CUL3: variants seen among roughly 807,000 people sequenced by gnomAD.
CUL3 encodes cullin 3.
In CUL3, 19 loss-of-function variants were observed where a neutral mutation model predicts 89.1. The ratio of observed to expected loss-of-function variants is 0.21; its 90% confidence interval spans 0.15 to 0.31. The LOEUF (loss-of-function observed/expected upper bound fraction) is 0.31, where lower values mean the gene tolerates loss of function less well. Ranked by LOEUF, CUL3 falls within the 10% of genes least tolerant of loss-of-function variation. The pLI, the probability that CUL3 is intolerant of heterozygous loss-of-function variation, is 1.00. For missense variants in CUL3, 469 were observed against 942.3 expected (o/e 0.50, Z 6.58); for synonymous variants, 351 against 308.4 (o/e 1.14, Z -1.45).
At chr2:224,547,585 T>C (rs1451167747) in intron 2 of CUL3, among the ~76,000 whole-genome samples, 1 of 152,136 alleles carries the variant, frequency 6.6e-6, no homozygotes. Flanking sequence ...GCAAGAATCA[T>C]GTCTTATTTA....
intron 1 of CUL3, among the ~76,000 whole-genome samples, chr2:224,561,573 G>A (rs929958623): frequency 1.3e-5 from 2 of 152,132 alleles, no homozygotes; most frequent in Non-Finnish European, 1.5e-5. Flanking sequence ...GCTTGAGAAG[G>A]AACTTTAACA....
rs1283696896 is a variant in CUL3, at chr2:224,500,506, G to A, written c.1486-19C>T. 6 of 1,610,888 alleles carry A rather than the reference G, an allele frequency of 3.7e-6. No individual in the cohort carries two copies. The South Asian group carries it at 4.4e-5, about 12-fold the overall frequency. ...AAGATACCTATGTAAAACAGAAAGA[G>A]ATATTCCCCTCAAAATTAACTAGGA... On this transcript the variant is annotated intron_variant, in intron 10 of 15. Coordinates refer to ENST00000264414, the MANE Select transcript of CUL3 (RefSeq NM_003590.5).
chr2:224,488,421 C>A (rs546705025), intron 13 of CUL3, among the ~76,000 whole-genome samples: 1 of 151,924 alleles, frequency 6.6e-6, no homozygotes, highest in Non-Finnish European at 1.5e-5. Flanking sequence ...CAATAAAAAA[C>A]GATAAAGTGG....
chr2:224,498,467 T>C (rs1013988418), intron 11 of CUL3, among the ~76,000 whole-genome samples: 1 of 152,194 alleles, frequency 6.6e-6, no homozygotes. Context: ...CCTTCACTCT[T>C]AGAATTCCTT....
At chr2:224,545,437 A>T (rs1446066986) in intron 2 of CUL3, among the ~76,000 whole-genome samples, 1 of 152,192 alleles carries the variant, frequency 6.6e-6, no homozygotes, top group Non-Finnish European at 1.5e-5. Context: ...AATGTAACTT[A>T]ACAGCATTTC....
At chr2:224,482,206 A>C in intron 13 of CUL3, 128 bp from the exon 14 acceptor site, 1 of 641,104 alleles carries the variant, frequency 1.6e-6, no homozygotes. Flanking sequence ...ACAAAAAAGA[A>C]TTCTCTTGAG....
chr2:224,497,969 A>T, intron 11 of CUL3, 120 bp from the exon 12 acceptor site: 4 of 718,638 alleles, frequency 5.6e-6, no homozygotes, highest in Non-Finnish European at 9.3e-6. Flanking sequence ...TGGACTTTAA[A>T]ACTTAAAGGA....
chr2:224,510,973 A>C (rs1283082529), intron 6 of CUL3, among the ~76,000 whole-genome samples: 1 of 152,196 alleles, frequency 6.6e-6, no homozygotes, highest in Non-Finnish European at 1.5e-5. Flanking sequence ...GTGGAAACTT[A>C]AGGTTTTAAG....
chr2:224,571,048 GA>G (rs1446145141), intron 1 of CUL3, among the ~76,000 whole-genome samples: 5 of 152,162 alleles, frequency 3.3e-5, no homozygotes, highest in Admixed American at 6.5e-5. Flanking sequence ...ATGTGATAAT[GA>G]CCACAACAAA....
intron 12 of CUL3, among the ~76,000 whole-genome samples, chr2:224,496,731 T>C (rs746305231): frequency 4.3e-4 from 66 of 152,102 alleles, no homozygotes; most frequent in Non-Finnish European, 7.8e-4. Context: ...GGAACTGCCA[T>C]TCTCAAAGCC....
At chr2:224,513,104 TTATTG>T (rs1380189566) in intron 5 of CUL3, among the ~76,000 whole-genome samples, 14 of 152,362 alleles carry the variant, frequency 9.2e-5, no homozygotes, top group Admixed American at 8.5e-4. Context: ...CTAGCTTACT[TTATTG>T]TAAGAGTACA....
chr2:224,502,187 G>A (rs926906334), intron 10 of CUL3, among the ~76,000 whole-genome samples: 3 of 152,196 alleles, frequency 2.0e-5, no homozygotes. Context: ...AAGGCCAGTA[G>A]AAGTGATGAT....
chr2:224,547,770 CATTAG>C (rs1694359250), intron 2 of CUL3, among the ~76,000 whole-genome samples: 1 of 151,730 alleles, frequency 6.6e-6, no homozygotes, highest in African/African-American at 2.4e-5. Flanking sequence ...TAATGTTTTC[CATTAG>C]ATTAATTAAT....
At chr2:224,581,073 C>A (rs1032754036) in intron 1 of CUL3, among the ~76,000 whole-genome samples, 1 of 152,082 alleles carries the variant, frequency 6.6e-6, no homozygotes, top group South Asian at 2.1e-4. Context: ...GGCAGTAGAT[C>A]TTACTTGTTC....
chr2:224,576,474 G>C (rs1695300978), intron 1 of CUL3, among the ~76,000 whole-genome samples: 4 of 152,174 alleles, frequency 2.6e-5, no homozygotes, highest in Admixed American at 6.5e-5. Flanking sequence ...ACTTCACTTA[G>C]AGTTACAAAA....
Position 224,521,827 on chromosome 2 carries a change from T to C in CUL3, c.379-7055A>G, listed in dbSNP as rs79245694. Among the ~76,000 whole-genome samples, 913 of 152,260 alleles carry C rather than the reference T, an allele frequency of 6.0e-3. 5 individuals are homozygous for C. Among genetic ancestry groups the C allele is most frequent in the Middle Eastern group, 0.01 (3 of 294 alleles). ...AAAAAAAGGTTTAACAATGTGTGAA[T>C]TGCTGTGAAAGTTGGTCTTTTAAGC... On this transcript the variant is annotated intron_variant, in intron 3 of 15. Coordinates refer to ENST00000264414, the MANE Select transcript of CUL3 (RefSeq NM_003590.5).
intron 2 of CUL3, among the ~76,000 whole-genome samples, chr2:224,554,336 G>A (rs889889986): frequency 2.0e-5 from 3 of 152,056 alleles, no homozygotes; most frequent in Admixed American, 2.0e-4. Flanking sequence ...AGAATCTCAG[G>A]GATATTATTT....
At chr2:224,583,684 T>C (rs1165230783) in intron 1 of CUL3, among the ~76,000 whole-genome samples, 2 of 152,254 alleles carry the variant, frequency 1.3e-5, no homozygotes, top group African/African-American at 2.4e-5. Flanking sequence ...ATTTATGTTC[T>C]TACAATTTCA....
intron 1 of CUL3, among the ~76,000 whole-genome samples, chr2:224,577,186 C>T (rs1695321692): frequency 2.0e-5 from 3 of 152,180 alleles, no homozygotes; most frequent in South Asian, 4.1e-4. Context: ...TTTTATTTAT[C>T]ACACAACAAA....
Sources: gnomAD v4.1 joint callset for allele counts (sites outside exome capture counted in the v4.1 genomes callset) on GRCh38, gnomAD v4.1.1 for gene constraint, MANE v1.5 for transcripts, NCBI Gene and HGNC (gene_info 2026-07-23, HGNC 2026-07-21) for gene names.